MBD5: variants seen among roughly 807,000 people sequenced by gnomAD.
MBD5 encodes methyl-CpG binding domain protein 5.
MBD5 carries 13 observed loss-of-function variants against 117.3 expected under a neutral mutation model. That is an observed-to-expected ratio of 0.11 (90% CI 0.07 to 0.18). The LOEUF (loss-of-function observed/expected upper bound fraction) is 0.18. Among genes scored for constraint, MBD5 ranks in the 10% least tolerant of loss-of-function variants. MBD5 has a pLI of 1.00. For synonymous variants in MBD5, 727 were observed against 766.4 expected, an observed-to-expected ratio of 0.95 and a Z score of 0.85; for missense variants, 1,879 against 2,093.8, an observed-to-expected ratio of 0.90 and a Z score of 2.00.
intron 2 of MBD5, among the ~76,000 whole-genome samples, chr2:148,232,630 A>G (rs1700016421): frequency 7.2e-6 from 1 of 138,492 alleles, no homozygotes; most frequent in South Asian, 2.5e-4. Context: ...AGCATGCAAT[A>G]CCATATCTGA....
chr2:148,482,381 A>G (rs1264771254), intron 8 of MBD5, among the ~76,000 whole-genome samples: 1 of 152,146 alleles, frequency 6.6e-6, no homozygotes, highest in Non-Finnish European at 1.5e-5. Flanking sequence ...TTCTGTAGCT[A>G]TATATAAGCT....
chr2:148,103,044 T>C (rs961260940), intron 1 of MBD5, among the ~76,000 whole-genome samples: 5 of 152,124 alleles, frequency 3.3e-5, no homozygotes, highest in Non-Finnish European at 1.5e-5. Context: ...CATATTGAAT[T>C]GTCTGTAAAA....
intron 1 of MBD5, among the ~76,000 whole-genome samples, chr2:148,031,295 A>G (rs1300102916): frequency 6.6e-6 from 1 of 152,022 alleles, no homozygotes; most frequent in Non-Finnish European, 1.5e-5. Context: ...CACTTTAAGA[A>G]CCTTTGTAAA....
At chr2:148,156,630 G>C (rs1040955038) in intron 1 of MBD5, among the ~76,000 whole-genome samples, 1 of 152,184 alleles carries the variant, frequency 6.6e-6, no homozygotes, top group African/African-American at 2.4e-5. Context: ...AGCTCTTTGA[G>C]AGTCTGTGGA....
intron 4 of MBD5, among the ~76,000 whole-genome samples, chr2:148,373,074 T>C (rs1260980607): frequency 6.6e-6 from 1 of 152,112 alleles, no homozygotes; most frequent in African/African-American, 2.4e-5. Context: ...TTTAAAGAAT[T>C]ACGTTTTGAT....
At chr2:148,380,003 AG>A (rs1262018305) in intron 4 of MBD5, among the ~76,000 whole-genome samples, 1 of 152,192 alleles carries the variant, frequency 6.6e-6, no homozygotes, top group Non-Finnish European at 1.5e-5. Flanking sequence ...GCAATTGCTG[AG>A]GTACTCTGCA....
intron 1 of MBD5, among the ~76,000 whole-genome samples, chr2:148,129,724 C>T (rs1490256132): frequency 2.0e-5 from 3 of 152,060 alleles, no homozygotes. Context: ...ATCTACTTGC[C>T]ATTTTGTGGC....
In MBD5 at chr2:148,274,717, G is replaced by GTTT. The variant is rs199569391; in HGVS notation, c.-680+41327_-680+41329dup. Among the ~76,000 whole-genome samples, 21 of 109,904 alleles carry GTTT rather than the reference G, an allele frequency of 1.9e-4. 1 individual carries two copies. Among genetic ancestry groups the GTTT allele is most frequent in the Non-Finnish European group, 3.2e-4 (16 of 49,944 alleles). 72.1% of individuals were successfully genotyped at this position (109,904 alleles called of 152,430 possible). A position where few individuals can be genotyped will look rare whatever the true frequency, so the allele number is the denominator to read the frequency against. ...CCTTTTACACTTAAAAATTAATTGA[G>GTTT]TTTTTTTGTTTTTTTTTTTTTTGAG... On this transcript the variant is annotated intron_variant, in intron 3 of 13. Coordinates refer to ENST00000642680, the MANE Select transcript of MBD5 (RefSeq NM_001378120.1).
Position 148,149,025 on chromosome 2 carries a change from G to T in MBD5, c.-924-29675G>T, listed in dbSNP as rs571753478. 1.1e-4 allele frequency among the ~76,000 whole-genome samples: 17 copies of T among 152,014 alleles called. No homozygotes were observed. In the East Asian group the frequency reaches 3.1e-3, roughly 28 times the overall value. ...ACATATGTATACATGTGCCATGCTG[G>T]TGCACTGCACCCACTAAATCGTCAT... On this transcript the variant is annotated intron_variant, in intron 1 of 13. Coordinates refer to ENST00000642680, the MANE Select transcript of MBD5 (RefSeq NM_001378120.1).
chr2:148,076,546 C>T (rs563471962), intron 1 of MBD5, among the ~76,000 whole-genome samples: 2 of 152,228 alleles, frequency 1.3e-5, no homozygotes, highest in South Asian at 4.1e-4. Context: ...CTGACATCTG[C>T]AATTAAATGT....
chr2:148,509,688 CTG>C (rs1682156876), intron 12 of MBD5, among the ~76,000 whole-genome samples: 1 of 152,148 alleles, frequency 6.6e-6, no homozygotes, highest in African/African-American at 2.4e-5. Flanking sequence ...GTCAGGCTGA[CTG>C]AGAAAGAAAC....
intron 1 of MBD5, among the ~76,000 whole-genome samples, chr2:148,094,521 A>G (rs1327519857): frequency 6.6e-6 from 1 of 152,196 alleles, no homozygotes; most frequent in Non-Finnish European, 1.5e-5. Context: ...AGAAGTTATC[A>G]TAGAAGACTT....
Position 148,489,639 on chromosome 2 carries a change from T to C in MBD5, c.4007T>C (p.Val1336Ala). The C allele has an allele frequency of 6.2e-7, 1 of 1,614,176 alleles. No individual in the cohort carries two copies. Among genetic ancestry groups the C allele is most frequent in the Non-Finnish European group, 8.5e-7 (1 of 1,180,030 alleles). ...VDAASKGMQVVITTAVNSTTQ... is the reference protein window; with the variant it reads ...VDAASKGMQVAITTAVNSTTQ... ...GCAGCCAGCAAAGGAATGCAGGTTG[T>C]CATCACCACTGCAGTCAACAGTACA... The change falls in exon 11 of 14, where the codon GTC (valine) becomes GCC (alanine). Residue 1336 changes from valine to alanine, a missense_variant. By Grantham distance (64) the Val-to-Ala change is moderately conservative (BLOSUM62 0). This residue lies in a region of MBD5 where 1,666 missense variants were observed against 1,792.2 expected (regional missense o/e 0.93). Transcript: ENST00000642680.
At chr2:148,204,919 G>A (rs993051049) in intron 2 of MBD5, among the ~76,000 whole-genome samples, 2 of 151,870 alleles carry the variant, frequency 1.3e-5, no homozygotes, top group African/African-American at 4.8e-5. Flanking sequence ...TAAAATGTGG[G>A]AATTAGAGCT....
chr2:148,345,391 A>G (rs932203717), intron 4 of MBD5, among the ~76,000 whole-genome samples: 2 of 100,906 alleles, frequency 2.0e-5, no homozygotes, highest in African/African-American at 5.4e-5. Context: ...ACACATATAC[A>G]TATACATATA....
intron 8 of MBD5, among the ~76,000 whole-genome samples, chr2:148,475,005 G>A (rs1680912724): frequency 1.3e-5 from 2 of 152,252 alleles, no homozygotes; most frequent in Admixed American, 6.5e-5. Context: ...AAATGCTCAA[G>A]GGTGGATTAT....
rs1162847515 is a variant in MBD5 at position 148,515,323 on chromosome 2, G to A, written c.*2382G>A. 6.6e-6 allele frequency: 1 copy of A among 152,140 alleles called. No homozygotes were observed. The highest frequency in any genetic ancestry group is 2.4e-5 in the African/African-American group (1 of 41,436). 9.4% of individuals were successfully genotyped at this position (152,140 alleles called of 1,614,324 possible). The stretch of plus-strand genomic sequence containing the variant: ...TCCCATTGTATACTTTACATAAGTA[G>A]ACCATGTAAAGTATGTTTGTGCCCA... On this transcript the variant is annotated 3_prime_UTR_variant, in exon 14 of 14. Coordinates refer to ENST00000642680, the MANE Select transcript of MBD5 (RefSeq NM_001378120.1).
chr2:148,126,977 C>CT (rs373037152), intron 1 of MBD5, among the ~76,000 whole-genome samples: 2,081 of 130,726 alleles, frequency 0.016, 26 homozygotes, highest in Middle Eastern at 0.037. Context: ...TTTTTTCTTT[C>CT]TTTTTTTTTT....
intron 3 of MBD5, among the ~76,000 whole-genome samples, chr2:148,257,228 G>C (rs189200858): frequency 1.3e-5 from 2 of 152,256 alleles, no homozygotes; most frequent in Non-Finnish European, 2.9e-5. Flanking sequence ...TCAAATAGGC[G>C]CCCCTGGTCC....
Sources: gnomAD v4.1 joint callset for allele counts (sites outside exome capture counted in the v4.1 genomes callset) on GRCh38, gnomAD v4.1.1 for gene constraint, gnomAD v4.1.1 regional missense constraint, MANE v1.5 for transcripts, NCBI Gene and HGNC (gene_info 2026-07-23, HGNC 2026-07-21) for gene names.